The following ZNF610 variants were observed in gnomAD, a reference collection of about 807,000 sequenced individuals.
The protein encoded by ZNF610 is zink finger protein.
ZNF610 carries 14 observed loss-of-function variants against 14.1 expected under a neutral mutation model. The observed-to-expected ratio is 0.99, with a 90% CI of 0.65 to 1.55. The LOEUF (loss-of-function observed/expected upper bound fraction) is 1.55, where lower values mean the gene tolerates loss of function less well. Among genes scored for constraint, ZNF610 ranks in the 40% most tolerant of loss-of-function variants. The probability of loss-of-function intolerance (pLI) is 0.00; values close to 1 mark genes in which losing one functional copy is unlikely to be tolerated. For synonymous variants in ZNF610, 185 were observed against 187.6 expected (o/e 0.99, Z 0.11); for missense variants, 530 against 558.0 (o/e 0.95, Z 0.51).
chr19:52,360,169 G>T (rs566950187), intron 5 of ZNF610, among the ~76,000 whole-genome samples: 1 of 152,064 alleles, frequency 6.6e-6, no homozygotes, highest in African/African-American at 2.4e-5. Flanking sequence ...ACCCTCTCTC[G>T]GGAGGTCTTA....
intron 1 of ZNF610, among the ~76,000 whole-genome samples, chr19:52,345,911 A>T (rs321956): frequency 1.5e-3 from 215 of 146,518 alleles, no homozygotes; most frequent in African/African-American, 5.5e-3. Context: ...TCACCATGTT[A>T]GCCAGGATGG....
At chr19:52,346,661 AG>A (rs775076172) in intron 1 of ZNF610, among the ~76,000 whole-genome samples, 1 of 152,332 alleles carries the variant, frequency 6.6e-6, no homozygotes, top group Non-Finnish European at 1.5e-5. Context: ...AAGAACATTT[AG>A]GAAGAAAAAA....
At chr19:52,344,113 T>C (rs936794634) in intron 1 of ZNF610, 1 of 152,138 alleles carries the variant, frequency 6.6e-6, no homozygotes, top group African/African-American at 2.4e-5. Context: ...CAAGTTCTTA[T>C]CACAGCACAC....
At chr19:52,360,021 G>A (rs796805192) in intron 5 of ZNF610, among the ~76,000 whole-genome samples, 2 of 152,306 alleles carry the variant, frequency 1.3e-5, no homozygotes, top group African/African-American at 4.8e-5. Flanking sequence ...GGGGTGTGGA[G>A]CTTCTCTGCC....
chr19:52,343,693 G>A (rs1302039530), intron 1 of ZNF610, among the ~76,000 whole-genome samples: 2 of 152,288 alleles, frequency 1.3e-5, no homozygotes, highest in Admixed American at 6.5e-5. Context: ...GTGGAGACCC[G>A]CAAGAACAGG....
intron 5 of ZNF610, among the ~76,000 whole-genome samples, chr19:52,356,028 C>G (rs1985506778): frequency 6.6e-6 from 1 of 152,210 alleles, no homozygotes; most frequent in Admixed American, 6.5e-5. Flanking sequence ...ATGGCCTGGT[C>G]TTTCTGGTAA....
intron 5 of ZNF610, among the ~76,000 whole-genome samples, chr19:52,360,027 C>G (rs2560991): frequency 0.18 from 27,727 of 152,164 alleles, 2,872 homozygotes; most frequent in East Asian, 0.32. Flanking sequence ...TGGAGCTTCT[C>G]TGCCCTCCCT....
chr19:52,342,520 C>CTTTT (rs761381882), intron 1 of ZNF610, among the ~76,000 whole-genome samples: 2 of 138,676 alleles, frequency 1.4e-5, no homozygotes, highest in African/African-American at 2.6e-5. Context: ...ATCTGTTTAA[C>CTTTT]TTTTTTTTTT....
At chr19:52,340,142 T>G (rs1984608908) in intron 1 of ZNF610, among the ~76,000 whole-genome samples, 1 of 152,196 alleles carries the variant, frequency 6.6e-6, no homozygotes. Flanking sequence ...GGCTTAAGCC[T>G]GTAATCCTAA....
At chr19:52,361,456 C>A (rs1197047616) in intron 5 of ZNF610, among the ~76,000 whole-genome samples, 6 of 152,082 alleles carry the variant, frequency 3.9e-5, no homozygotes, top group Non-Finnish European at 8.8e-5. Flanking sequence ...GGATTACAGG[C>A]GTGAGCCACT....
chr19:52,349,079 C>CTG, intron 2 of ZNF610, 75 bp from the exon 3 acceptor site: 1 of 1,063,564 alleles, frequency 9.4e-7, no homozygotes, highest in Non-Finnish European at 1.4e-6. Context: ...TAGGTCTAAC[C>CTG]TGTGTGTGTG....
chr19:52,366,119 T>C lies in ZNF610; in HGVS notation c.741T>C (p.Leu247=). The change falls in exon 6 of 6, where the codon CTT becomes CTC. Residue 247 remains leucine, a synonymous_variant. Transcript: ENST00000403906. The stretch of plus-strand genomic sequence containing the variant: ...AGGTCTTCAGTCGCAATTCACACCT[T>C]GTAGAACATTGGAGAATTCATACTG... ...CGKVFSRNSH[L]VEHWRIHTGQ... is the part of the protein sequence containing the mutation. 7 of 1,614,066 alleles carry C rather than the reference T, an allele frequency of 4.3e-6. No homozygotes were observed. Among genetic ancestry groups the C allele is most frequent in the African/African-American group, 1.3e-5 (1 of 75,040 alleles).
At chr19:52,353,206 C>CT (rs1415586476) in intron 3 of ZNF610, among the ~76,000 whole-genome samples, 1 of 152,242 alleles carries the variant, frequency 6.6e-6, no homozygotes, top group African/African-American at 2.4e-5. Context: ...TCCCGAAGTG[C>CT]TGGAGTTACA....
At chr19:52,345,130 T>C (rs1439307470) in intron 1 of ZNF610, 1 of 152,198 alleles carries the variant, frequency 6.6e-6, no homozygotes, top group Non-Finnish European at 1.5e-5. Context: ...TTTTCTGGTA[T>C]ATCTAGGCAG....
At position 52,336,248 on chromosome 19, in the gene ZNF610, C is replaced by A; in HGVS notation, c.-516C>A. ...CTGCGCGCGCGCAGTTTTTTGCAGA[C>A]CCGGAAGCGGATCGCGTGGGTAGAA... On this transcript the variant is annotated 5_prime_UTR_variant, in exon 1 of 6. Coordinates refer to ENST00000403906, the MANE Select transcript of ZNF610 (RefSeq NM_001161425.2). 3.8e-6 allele frequency: 1 copy of A among 266,614 alleles called. No homozygotes were observed. Among genetic ancestry groups the A allele is most frequent in the Non-Finnish European group, 7.2e-6 (1 of 139,208 alleles). The allele number at this position is 266,614 out of a possible 1,614,324, so 16.5% of individuals were successfully genotyped here.
At chr19:52,361,585 T>G (rs1985780105) in intron 5 of ZNF610, among the ~76,000 whole-genome samples, 1 of 151,548 alleles carries the variant, frequency 6.6e-6, no homozygotes. Flanking sequence ...TTTATCTAGC[T>G]AAGGGTTTGT....
At chr19:52,365,208 G>C (rs139655336) in intron 5 of ZNF610, among the ~76,000 whole-genome samples, 30 of 150,512 alleles carry the variant, frequency 2.0e-4, no homozygotes, top group Non-Finnish European at 1.9e-4. Context: ...CTGCACTCCA[G>C]CCTGGGGCAA....
chr19:52,363,867 C>T (rs1985900841), intron 5 of ZNF610, among the ~76,000 whole-genome samples: 1 of 152,092 alleles, frequency 6.6e-6, no homozygotes, highest in Non-Finnish European at 1.5e-5. Flanking sequence ...TTAATAGTGC[C>T]ATCTTGTCAC....
chr19:52,343,605 C>T (rs1179446250), intron 1 of ZNF610, among the ~76,000 whole-genome samples: 1 of 152,056 alleles, frequency 6.6e-6, no homozygotes, highest in Non-Finnish European at 1.5e-5. Flanking sequence ...TGGAAATAGG[C>T]CTGTATGGAA....
Sources: gnomAD v4.1 joint callset for allele counts (sites outside exome capture counted in the v4.1 genomes callset) on GRCh38, gnomAD v4.1.1 for gene constraint, MANE v1.5 for transcripts, NCBI Gene and HGNC (gene_info 2026-07-23, HGNC 2026-07-21) for gene names.